ROBO2: variants seen among roughly 807,000 people sequenced by gnomAD.
ROBO2 encodes roundabout homolog 2.
ROBO2 carries 53 observed loss-of-function variants against 160.8 expected under a neutral mutation model. The ratio of observed to expected loss-of-function variants is 0.33; its 90% confidence interval spans 0.26 to 0.41. The LOEUF (loss-of-function observed/expected upper bound fraction) is 0.41. ROBO2 is among the 10% of genes least tolerant of loss of function. The probability of loss-of-function intolerance (pLI) is 1.00; values close to 1 mark genes in which losing one functional copy is unlikely to be tolerated. For synonymous variants in ROBO2, 664 were observed against 611.7 expected (o/e 1.09, Z -1.26); for missense variants, 1,577 against 1,722.4 (o/e 0.92, Z 1.49).
At chr3:77,412,739 C>A (rs1212617256) in intron 2 of ROBO2, among the ~76,000 whole-genome samples, 1 of 152,170 alleles carries the variant, frequency 6.6e-6, no homozygotes, top group Non-Finnish European at 1.5e-5. Flanking sequence ...TAATCCATTT[C>A]CTGAGGCTCT....
intron 2 of ROBO2, among the ~76,000 whole-genome samples, chr3:77,129,520 T>C (rs1382439047): frequency 6.6e-6 from 1 of 152,208 alleles, no homozygotes; most frequent in East Asian, 1.9e-4. Flanking sequence ...CGTTTTTCCC[T>C]GCAAAAAGTT....
rs1477334105 is a variant in ROBO2 at position 77,357,244 on chromosome 3, A to G, written c.389-120170A>G. 2.6e-5 allele frequency among the ~76,000 whole-genome samples: 4 copies of G among 152,234 alleles called. No individual in the cohort carries two copies. The East Asian group carries it at 7.7e-4, about 29-fold the overall frequency. ...TGTTGAGAGGTAGGACCTTTATGAGATGCTTCTCATTTCTCTAGCAAAAGA... is the reference window on the plus strand; with the variant it reads ...TGTTGAGAGGTAGGACCTTTATGAGGTGCTTCTCATTTCTCTAGCAAAAGA... On this transcript the variant is annotated intron_variant, in intron 2 of 25. Transcript: ENST00000461745.
At chr3:75,908,589 A>G (rs1946444670) in intron 1 of ROBO2, among the ~76,000 whole-genome samples, 1 of 152,162 alleles carries the variant, frequency 6.6e-6, no homozygotes, top group South Asian at 2.1e-4. Context: ...GACCTATGCT[A>G]TTTAACTTCA....
chr3:76,970,272 T>TACTTTC (rs2059509849), intron 2 of ROBO2, among the ~76,000 whole-genome samples: 1 of 152,166 alleles, frequency 6.6e-6, no homozygotes, highest in African/African-American at 2.4e-5. Flanking sequence ...CCATTTCCTT[T>TACTTTC]ACTTTCGGGA....
intron 7 of ROBO2, among the ~76,000 whole-genome samples, chr3:77,548,243 T>C (rs2092779750): frequency 6.6e-6 from 1 of 152,078 alleles, no homozygotes; most frequent in African/African-American, 2.4e-5. Flanking sequence ...GCTATTTAAA[T>C]GTACTGGAAC....
intron 2 of ROBO2, among the ~76,000 whole-genome samples, chr3:76,109,057 C>G (rs2070089571): frequency 6.6e-6 from 1 of 151,914 alleles, no homozygotes; most frequent in Admixed American, 6.6e-5. Flanking sequence ...TCTCTAAAAT[C>G]ATTAATAATG....
intron 2 of ROBO2, among the ~76,000 whole-genome samples, chr3:76,148,099 C>T (rs551764638): frequency 3.9e-4 from 59 of 151,958 alleles, no homozygotes; most frequent in Non-Finnish European, 1.2e-4. Flanking sequence ...ACTTTCATTT[C>T]TCTCCTTCCC....
In ROBO2 at chr3:76,551,505, G is replaced by A. The variant is rs143696899; in HGVS notation, c.110-546509G>A. On this transcript the variant is annotated intron_variant, in intron 2 of 26. Transcript: ENST00000487694. ...ACCTAATGGCAGGACTGAAAAAGCT[G>A]TAACACAAACAGGGCTGAAACACGC... Among the ~76,000 whole-genome samples the A allele has an allele frequency of 8.4e-3, 1,284 of 152,180 alleles. 18 individuals carry two copies. Among genetic ancestry groups the A allele is most frequent in the Non-Finnish European group, 0.011 (716 of 68,000 alleles).
intron 2 of ROBO2, among the ~76,000 whole-genome samples, chr3:76,683,494 T>A (rs1284595433): frequency 9.5e-5 from 14 of 147,354 alleles, no homozygotes; most frequent in Non-Finnish European, 1.8e-4. Context: ...GGAAAACACA[T>A]GCATGTGTCA....
intron 2 of ROBO2, among the ~76,000 whole-genome samples, chr3:76,769,597 G>A (rs1214282229): frequency 6.6e-6 from 1 of 151,392 alleles, no homozygotes. Flanking sequence ...TTTCATTTTA[G>A]TCAGCAATCA....
chr3:76,910,087 T>TC (rs1322252037), intron 2 of ROBO2, among the ~76,000 whole-genome samples: 16 of 152,168 alleles, frequency 1.1e-4, no homozygotes, highest in Non-Finnish European at 2.2e-4. Context: ...CTGTTACTGG[T>TC]AAAATATAGG....
At chr3:76,360,165 T>G (rs1439850783) in intron 2 of ROBO2, among the ~76,000 whole-genome samples, 1 of 152,036 alleles carries the variant, frequency 6.6e-6, no homozygotes, top group Non-Finnish European at 1.5e-5. Context: ...TTATGATGGT[T>G]TAGAAGTTGA....
Position 77,365,150 on chromosome 3 carries a change from GAAA to G in ROBO2, c.389-112249_389-112247del, listed in dbSNP as rs142131118. Among the ~76,000 whole-genome samples the G allele has an allele frequency of 1.3e-3, 175 of 134,320 alleles. No homozygotes were observed. In the Middle Eastern group the frequency reaches 0.023, roughly 18 times the overall value. 88.1% of individuals were successfully genotyped at this position (134,320 alleles called of 152,430 possible). A position where few individuals can be genotyped will look rare whatever the true frequency, so the allele number is the denominator to read the frequency against. On this transcript the variant is annotated intron_variant, in intron 2 of 25. Coordinates refer to ENST00000461745, the Ensembl canonical transcript of ROBO2. ...GTGACAGAGTGAGACTCCATCTCAG[GAAA>G]AAAAAAAAAAAAAAGAAAGAAAAAG...
intron 2 of ROBO2, among the ~76,000 whole-genome samples, chr3:77,471,002 G>C (rs914250892): frequency 6.6e-6 from 1 of 152,100 alleles, no homozygotes; most frequent in African/African-American, 2.4e-5. Context: ...TATCTTTCTC[G>C]TAATGTTTAG....
At chr3:75,990,561 A>G (rs556173005) in intron 2 of ROBO2, among the ~76,000 whole-genome samples, 1 of 152,338 alleles carries the variant, frequency 6.6e-6, no homozygotes, top group East Asian at 1.9e-4. Context: ...TTTCTAATAA[A>G]TTACTGAAAG....
intron 2 of ROBO2, among the ~76,000 whole-genome samples, chr3:76,504,846 G>T (rs560519129): frequency 2.8e-4 from 42 of 152,222 alleles, no homozygotes; most frequent in African/African-American, 9.6e-4. Context: ...TCTTTAAACT[G>T]TGAAAACAGT....
rs138075323 is a variant in ROBO2, at chr3:77,250,304, G to A, written c.388+151964G>A. Among the ~76,000 whole-genome samples, 24 of 152,268 alleles carry A rather than the reference G, an allele frequency of 1.6e-4. No homozygotes were observed. In the East Asian group the frequency reaches 2.3e-3, roughly 15 times the overall value. ...CTGGTAAGATCATTTTGAGGATTCC[G>A]TCTGGTATTGTGAAAGATGCCTGGT... On this transcript the variant is annotated intron_variant, in intron 2 of 25. Transcript: ENST00000461745.
At chr3:77,146,950 G>A (rs577264177) in intron 2 of ROBO2, among the ~76,000 whole-genome samples, 20 of 152,268 alleles carry the variant, frequency 1.3e-4, no homozygotes, top group African/African-American at 4.6e-4. Context: ...CTGGGTGACA[G>A]AGCGAGACTC....
At chr3:76,886,371 T>A (rs1322345820) in intron 2 of ROBO2, among the ~76,000 whole-genome samples, 1 of 151,754 alleles carries the variant, frequency 6.6e-6, no homozygotes, top group Middle Eastern at 3.2e-3. Context: ...AAGGAATAAA[T>A]GTTTGCAGAC....
Sources: gnomAD v4.1 joint callset for allele counts (sites outside exome capture counted in the v4.1 genomes callset) on GRCh38, gnomAD v4.1.1 for gene constraint, MANE v1.5 for transcripts, NCBI Gene and HGNC (gene_info 2026-07-23, HGNC 2026-07-21) for gene names.